Variants in BACH2 observed in about 807,000 individuals in gnomAD.
The protein encoded by BACH2 is BACH transcriptional regulator 2.
BACH2 carries 5 observed loss-of-function variants against 61.8 expected under a neutral mutation model. That is an observed-to-expected ratio of 0.08 (90% confidence interval 0.04 to 0.17). The LOEUF (loss-of-function observed/expected upper bound fraction) is 0.17, where lower values mean the gene tolerates loss of function less well. Among genes scored for constraint, BACH2 ranks in the 10% least tolerant of loss-of-function variants. BACH2 has a pLI of 1.00. For synonymous variants in BACH2, 446 were observed against 440.1 expected, an observed-to-expected ratio of 1.01 and a Z score of -0.17; for missense variants, 824 against 1,091.1, an observed-to-expected ratio of 0.76 and a Z score of 3.45.
chr6:89,985,328 G>A (rs1776179586), intron 6 of BACH2, among the ~76,000 whole-genome samples: 1 of 152,204 alleles, frequency 6.6e-6, no homozygotes, highest in Non-Finnish European at 1.5e-5. Flanking sequence ...GGCGGGGCTG[G>A]TGGGAGTCTG....
At chr6:90,273,389 A>G (rs1771591749) in intron 1 of BACH2, among the ~76,000 whole-genome samples, 1 of 152,136 alleles carries the variant, frequency 6.6e-6, no homozygotes, top group South Asian at 2.1e-4. Flanking sequence ...GGACTTGATA[A>G]TATCTCCTGC....
chr6:90,293,713 T>C (rs1772252175), intron 1 of BACH2, among the ~76,000 whole-genome samples: 1 of 152,228 alleles, frequency 6.6e-6, no homozygotes, highest in African/African-American at 2.4e-5. Context: ...TTTTAAGCAG[T>C]TATTATTACC....
At chr6:89,965,933 A>C (rs1249122620) in intron 6 of BACH2, among the ~76,000 whole-genome samples, 2 of 152,126 alleles carry the variant, frequency 1.3e-5, no homozygotes, top group Non-Finnish European at 2.9e-5. Flanking sequence ...TGTCCCTTTC[A>C]TTTGCAAAAT....
chr6:90,212,669 G>A (rs553281772), intron 3 of BACH2, among the ~76,000 whole-genome samples: 2 of 152,290 alleles, frequency 1.3e-5, no homozygotes, highest in South Asian at 4.1e-4. Context: ...CCCAAGGATA[G>A]GTTAGGTAAT....
intron 1 of BACH2, among the ~76,000 whole-genome samples, chr6:90,296,014 A>G (rs1772357668): frequency 6.6e-6 from 1 of 151,952 alleles, no homozygotes; most frequent in Non-Finnish European, 1.5e-5. Flanking sequence ...CCCGGCCTGG[A>G]GCTGGGATCG....
chr6:90,081,591 A>T (rs1045354324), intron 5 of BACH2, among the ~76,000 whole-genome samples: 60 of 152,334 alleles, frequency 3.9e-4, no homozygotes, highest in African/African-American at 1.4e-3. Context: ...ACAAGGACAC[A>T]GAGGACATGA....
chr6:89,940,906 C>T (rs575898759), intron 7 of BACH2, among the ~76,000 whole-genome samples: 64 of 150,794 alleles, frequency 4.2e-4, no homozygotes, highest in African/African-American at 1.5e-3. Flanking sequence ...TTTATCCTTA[C>T]AGCACATCAT....
intron 6 of BACH2, among the ~76,000 whole-genome samples, chr6:89,959,947 G>C (rs1399233733): frequency 2.0e-5 from 3 of 152,102 alleles, no homozygotes; most frequent in African/African-American, 7.2e-5. Flanking sequence ...TCTGTCTCTT[G>C]CTCTGTTTAT....
At chr6:89,983,588 G>A (rs1470505588) in intron 6 of BACH2, among the ~76,000 whole-genome samples, 2 of 152,270 alleles carry the variant, frequency 1.3e-5, no homozygotes, top group Non-Finnish European at 2.9e-5. Flanking sequence ...AGAATCACTT[G>A]AACCCAGGAG....
chr6:89,951,938 A>G lies in BACH2; in HGVS notation c.244-76T>C, dbSNP rs1051659270. 1 of 1,518,324 alleles carries G rather than the reference A, an allele frequency of 6.6e-7. No homozygotes were observed. The highest frequency in any genetic ancestry group is 1.4e-5 in the African/African-American group (1 of 73,050). 94.1% of individuals were successfully genotyped at this position (1,518,324 alleles called of 1,614,324 possible). A position where few individuals can be genotyped will look rare whatever the true frequency, so the allele number is the denominator to read the frequency against. ...TCCCGAATCCCTCAACTGAAGCAAG[A>G]TAACCAGACAGTGCTAATGTCCCAG... On this transcript the variant is annotated intron_variant, in intron 6 of 8. Transcript: ENST00000257749. The surrounding 1 kb of genome is among the most constrained non-coding windows in gnomAD (Gnocchi z 6.4).
At chr6:90,024,274 GA>G (rs1415947831) in intron 5 of BACH2, among the ~76,000 whole-genome samples, 5 of 151,604 alleles carry the variant, frequency 3.3e-5, no homozygotes, top group Admixed American at 1.3e-4. Flanking sequence ...GGCTTCAAAT[GA>G]AAAAAAACAC....
At chr6:90,291,835 C>T (rs559306854) in intron 1 of BACH2, among the ~76,000 whole-genome samples, 45 of 152,206 alleles carry the variant, frequency 3.0e-4, no homozygotes, top group African/African-American at 1.1e-3. Context: ...ATATGTGGCC[C>T]CAGCTCTGCC....
intron 5 of BACH2, among the ~76,000 whole-genome samples, chr6:90,071,587 T>C (rs1781230124): frequency 6.6e-6 from 1 of 152,224 alleles, no homozygotes; most frequent in South Asian, 2.1e-4. Context: ...CTCTTTTCAA[T>C]TCCTTTCTTC....
chr6:90,026,153 T>C (rs1182134924), intron 5 of BACH2, among the ~76,000 whole-genome samples: 4 of 152,126 alleles, frequency 2.6e-5, no homozygotes, highest in Non-Finnish European at 4.4e-5. Flanking sequence ...GAGGGGAGAC[T>C]GCAAGTCTAA....
chr6:90,266,292 C>T (rs1484766625), intron 2 of BACH2, among the ~76,000 whole-genome samples: 1 of 152,104 alleles, frequency 6.6e-6, no homozygotes, highest in Non-Finnish European at 1.5e-5. Context: ...GAAAACAGAT[C>T]CCAAATCTGG....
chr6:90,134,153 C>T (rs960172690), intron 4 of BACH2, among the ~76,000 whole-genome samples: 14 of 152,244 alleles, frequency 9.2e-5, no homozygotes, highest in African/African-American at 3.4e-4. Context: ...TACAGTCCCA[C>T]CAACAGTGTA....
chr6:90,182,728 G>A (rs1179888727), intron 4 of BACH2, among the ~76,000 whole-genome samples: 1 of 152,124 alleles, frequency 6.6e-6, no homozygotes, highest in African/African-American at 2.4e-5. Context: ...CCATGCACAA[G>A]GCCAAGAATC....
At chr6:90,234,448 G>T (rs1363298507) in intron 3 of BACH2, among the ~76,000 whole-genome samples, 1 of 152,144 alleles carries the variant, frequency 6.6e-6, no homozygotes, top group Non-Finnish European at 1.5e-5. Context: ...TTCCATGAAG[G>T]TCAATGTTTT....
At chr6:90,114,349 G>A (rs1783304421) in intron 4 of BACH2, among the ~76,000 whole-genome samples, 1 of 152,110 alleles carries the variant, frequency 6.6e-6, no homozygotes, top group Admixed American at 6.6e-5. Flanking sequence ...CTCGGATGCA[G>A]GGTTGGTTCA....
Sources: gnomAD v4.1 joint callset for allele counts (sites outside exome capture counted in the v4.1 genomes callset) on GRCh38, gnomAD v4.1.1 for gene constraint, Gnocchi (gnomAD v3.1) non-coding constraint, MANE v1.5 for transcripts, NCBI Gene and HGNC (gene_info 2026-07-23, HGNC 2026-07-21) for gene names.